Variants in HYCC2 observed in about 807,000 individuals in gnomAD.
The protein encoded by HYCC2 is hyccin PI4KA lipid kinase complex subunit 2, also known as hyccin 2.
At chr2:201,062,564 T>C in the HYCC2 span, among the ~76,000 whole-genome samples, 1 of 150,832 alleles carries the variant, frequency 6.6e-6, no homozygotes, top group Non-Finnish European at 1.5e-5. Flanking sequence ...GGCAGGAGTA[T>C]GGCATGAACC....
At chr2:200,998,228 C>A in the HYCC2 span, among the ~76,000 whole-genome samples, 1 of 152,222 alleles carries the variant, frequency 6.6e-6, no homozygotes, top group African/African-American at 2.4e-5. Context: ...CCATTACCAA[C>A]CACATATACC....
chr2:201,047,078 T>G, the HYCC2 span, among the ~76,000 whole-genome samples: 1 of 152,136 alleles, frequency 6.6e-6, no homozygotes, highest in African/African-American at 2.4e-5. Flanking sequence ...CTGCTGAAGA[T>G]GCAACATTTC....
At chr2:201,048,736 G>T in the HYCC2 span, among the ~76,000 whole-genome samples, 1 of 152,018 alleles carries the variant, frequency 6.6e-6, no homozygotes, top group Non-Finnish European at 1.5e-5. Flanking sequence ...AGAATTTATG[G>T]CAAGGATGAT....
the HYCC2 span, among the ~76,000 whole-genome samples, chr2:201,039,104 C>T: frequency 1.7e-3 from 252 of 152,316 alleles, no homozygotes; most frequent in African/African-American, 4.8e-3. Flanking sequence ...GTATCACCTC[C>T]TTATAGAACC....
chr2:200,985,601 C>T, the HYCC2 span, among the ~76,000 whole-genome samples: 3 of 152,176 alleles, frequency 2.0e-5, no homozygotes, highest in Non-Finnish European at 4.4e-5. Flanking sequence ...GTTGAGGCTA[C>T]AGTGAGCCTT....
the HYCC2 span, among the ~76,000 whole-genome samples, chr2:201,024,991 T>C: frequency 6.6e-6 from 1 of 151,600 alleles, no homozygotes; most frequent in Admixed American, 6.6e-5. Flanking sequence ...TGTGCACCTG[T>C]AATCTCAGCT....
At chr2:201,017,897 G>A in the HYCC2 span, among the ~76,000 whole-genome samples, 382 of 152,214 alleles carry the variant, frequency 2.5e-3, no homozygotes, top group Non-Finnish European at 3.9e-3. Context: ...ATTTATTAAA[G>A]CATCCACATT....
At chr2:201,039,641 A>G in the HYCC2 span, among the ~76,000 whole-genome samples, 1 of 152,220 alleles carries the variant, frequency 6.6e-6, no homozygotes, top group African/African-American at 2.4e-5. Flanking sequence ...AGTGATATAC[A>G]GCAGATATTT....
At chr2:201,018,875 G>C in the HYCC2 span, among the ~76,000 whole-genome samples, 1 of 152,136 alleles carries the variant, frequency 6.6e-6, no homozygotes, top group African/African-American at 2.4e-5. Flanking sequence ...GTCTAGACCA[G>C]TCAGACAATT....
the HYCC2 span, chr2:201,024,067 G>A: frequency 3.1e-6 from 4 of 1,297,886 alleles, no homozygotes; most frequent in Non-Finnish European, 4.5e-6. Flanking sequence ...TGAAGCTGAG[G>A]ACAGTAGTAC....
chr2:201,061,935 G>A, the HYCC2 span, among the ~76,000 whole-genome samples: 5 of 151,652 alleles, frequency 3.3e-5, no homozygotes, highest in African/African-American at 4.8e-5. Context: ...GCAAGACTTC[G>A]TCTCTATAAA....
the HYCC2 span, chr2:200,987,271 T>A: frequency 1.8e-6 from 2 of 1,123,886 alleles, no homozygotes; most frequent in South Asian, 2.9e-5. Context: ...GAAACACACA[T>A]TAGAATGGAA....
chr2:201,019,953 G>A, the HYCC2 span, among the ~76,000 whole-genome samples: 2 of 151,884 alleles, frequency 1.3e-5, no homozygotes, highest in Admixed American at 1.3e-4. Context: ...AGCAGGGTGT[G>A]GTAGCATGTG....
the HYCC2 span, among the ~76,000 whole-genome samples, chr2:201,043,431 C>CCA: frequency 1.1e-5 from 1 of 94,336 alleles, no homozygotes; most frequent in African/African-American, 4.5e-5. Context: ...TCAATAAATA[C>CCA]TAAAAAAAAA....
At chr2:201,016,256 T>G in the HYCC2 span, among the ~76,000 whole-genome samples, 1 of 152,340 alleles carries the variant, frequency 6.6e-6, no homozygotes, top group East Asian at 1.9e-4. Context: ...TCAACCTAAT[T>G]AGTTCAAACA....
At chr2:201,005,016 C>CAAAAAAAAAAAAAAAAAAAAAAAAAAA in the HYCC2 span, among the ~76,000 whole-genome samples, 1 of 56,606 alleles carries the variant, frequency 1.8e-5, no homozygotes, top group Non-Finnish European at 3.6e-5. Flanking sequence ...GACTCCATCT[C>CAAAAAAAAAAAAAAAAAAAAAAAAAAA]AAAAAAAAAA....
At chr2:201,025,268 C>T in the HYCC2 span, among the ~76,000 whole-genome samples, 2 of 152,050 alleles carry the variant, frequency 1.3e-5, no homozygotes, top group Non-Finnish European at 2.9e-5. Context: ...AAAGGGATTC[C>T]GTAAGAATTA....
At chr2:201,033,508 A>C in the HYCC2 span, among the ~76,000 whole-genome samples, 2 of 151,530 alleles carry the variant, frequency 1.3e-5, no homozygotes, top group Non-Finnish European at 2.9e-5. Context: ...GGTTCACGCC[A>C]TTCTCCTGCC....
chr2:201,035,008 G>A, the HYCC2 span, among the ~76,000 whole-genome samples: 1,730 of 152,320 alleles, frequency 0.011, 16 homozygotes, highest in Non-Finnish European at 0.017. Flanking sequence ...TGGGCAACCC[G>A]ACCTTTCTCT....
Sources: allele counts gnomAD v4.1 joint callset (sites outside exome capture counted in the v4.1 genomes callset), GRCh38; gene constraint gnomAD v4.1.1; transcripts MANE v1.5; gene names NCBI Gene and HGNC (gene_info 2026-07-23, HGNC 2026-07-21).